Variants in FKBP11 observed in about 807,000 individuals in gnomAD.
FKBP11 encodes FKBP prolyl isomerase 11.
A neutral mutation model predicts 24.7 loss-of-function variants in FKBP11; 21 were observed. That is an observed-to-expected ratio of 0.85 (90% CI 0.60 to 1.23). The LOEUF (loss-of-function observed/expected upper bound fraction) is 1.23. Ranked by LOEUF, FKBP11 falls within the 50% of genes most tolerant of loss-of-function variation. The pLI is 0.00. For missense variants in FKBP11, 245 were observed against 248.7 expected (o/e 0.99, Z 0.10); for synonymous variants, 106 against 100.6 (o/e 1.05, Z -0.32).
chr12:48,922,803 G>A, intron 5 of FKBP11: 1 of 1,004,782 alleles, frequency 1.0e-6, no homozygotes, highest in Non-Finnish European at 1.2e-6. Flanking sequence ...GTTTCTCCTT[G>A]GTCCCCCTAC....
chr12:48,922,529 C>T (rs541180048), intron 5 of FKBP11: 29 of 1,017,026 alleles, frequency 2.9e-5, no homozygotes, highest in African/African-American at 1.0e-4. Context: ...ACTAATTTAT[C>T]GTATTTCCAA....
chr12:48,922,543 A>G, intron 5 of FKBP11: 1 of 1,023,944 alleles, frequency 9.8e-7, no homozygotes, highest in Non-Finnish European at 1.2e-6. Context: ...TTTCCAAATA[A>G]CCACACGGAT....
At chr12:48,927,929 G>C (rs555539516), upstream of FKBP11, among the ~76,000 whole-genome samples, 18 of 151,474 alleles carry the variant, frequency 1.2e-4, no homozygotes, top group South Asian at 6.3e-4. Flanking sequence ...ATTCTTTGTG[G>C]GGGAAAAAAA....
chr12:48,930,538 T>C (rs1347836318), upstream of FKBP11, among the ~76,000 whole-genome samples: 1 of 152,186 alleles, frequency 6.6e-6, no homozygotes, highest in Non-Finnish European at 1.5e-5. Flanking sequence ...ATTACACGAA[T>C]AAACAAGATA....
the FKBP11 span, among the ~76,000 whole-genome samples, chr12:48,934,885 G>A: frequency 2.0e-5 from 3 of 151,982 alleles, no homozygotes; most frequent in East Asian, 5.8e-4. Context: ...GGTGGCGCAT[G>A]CCTGTAATCC....
intron 5 of FKBP11, chr12:48,923,021 G>A (rs1306433205): frequency 8.2e-6 from 6 of 734,526 alleles, no homozygotes; most frequent in East Asian, 7.8e-5. Flanking sequence ...GGTGGCGCAT[G>A]CCTGTAATCC....
At chr12:48,925,530 G>A (rs1939946844), upstream of FKBP11, 12 of 1,386,274 alleles carry the variant, frequency 8.7e-6, no homozygotes, top group Non-Finnish European at 1.2e-5. Flanking sequence ...TGGACGGGAC[G>A]GGGCGGGTCG....
chr12:48,924,022 G>A (rs773257332), intron 4 of FKBP11, 170 bp from the exon 5 acceptor site: 1 of 869,076 alleles, frequency 1.2e-6, no homozygotes, highest in Non-Finnish European at 1.9e-6. Flanking sequence ...CTCCCCATGT[G>A]CCTCAACTCC....
At chr12:48,938,466 A>G in the FKBP11 span, 1 of 451,030 alleles carries the variant, frequency 2.2e-6, no homozygotes. Context: ...CTCTCTATAC[A>G]TGTATATACA....
Position 48,925,358 on chromosome 12 carries a change from C to G in FKBP11, c.71G>C (p.Arg24Pro), listed in dbSNP as rs745636172. The G allele has an allele frequency of 1.9e-6, 3 of 1,606,718 alleles. No homozygotes were observed. Among genetic ancestry groups the G allele is most frequent in the South Asian group, 1.1e-5 (1 of 89,454 alleles). Reference sequence around the variant, plus strand: ...TTCGGTTTCGAGCCCAGCCTCAGCCCGGCACACCGCCGCACTGAGCAGCAG... The same window carrying G: ...TTCGGTTTCGAGCCCAGCCTCAGCCGGGCACACCGCCGCACTGAGCAGCAG... Reference protein sequence around the residue: ...LLLLLSAAVCRAEAGLETESP... With the variant: ...LLLLLSAAVCPAEAGLETESP... The change falls in exon 1 of 6, where the codon CGG (arginine) becomes CCG (proline). Residue 24 changes from arginine to proline, a missense_variant. By Grantham distance (103) the Arg-to-Pro change is moderately radical (BLOSUM62 -2). Transcript: ENST00000550765.
upstream of FKBP11, among the ~76,000 whole-genome samples, chr12:48,930,616 C>T (rs1156301510): frequency 6.6e-6 from 1 of 152,044 alleles, no homozygotes; most frequent in African/African-American, 2.4e-5. Flanking sequence ...AAGGAGCCAA[C>T]GTGGGGAAAA....
intron 5 of FKBP11, chr12:48,923,473 A>G: frequency 6.5e-7 from 1 of 1,549,576 alleles, no homozygotes. Context: ...AAGGGCAGGA[A>G]AGAAGTCCAG....
chr12:48,923,980 CACCAA>C (rs779118996), intron 4 of FKBP11, 128 bp from the exon 5 acceptor site: 15 of 1,014,132 alleles, frequency 1.5e-5, no homozygotes, highest in Non-Finnish European at 2.2e-5. Context: ...TCCACCTGAA[CACCAA>C]ACAGGCTGGC....
At chr12:48,931,497 GA>G in the FKBP11 span, 2 of 1,531,050 alleles carry the variant, frequency 1.3e-6, no homozygotes, top group Middle Eastern at 1.7e-4. Context: ...AAACAACAGA[GA>G]AAGGTGAGAT....
At chr12:48,934,652 G>C in the FKBP11 span, among the ~76,000 whole-genome samples, 1 of 152,148 alleles carries the variant, frequency 6.6e-6, no homozygotes, top group Non-Finnish European at 1.5e-5. Flanking sequence ...CCACCATTCA[G>C]CTAAAGTCCT....
chr12:48,935,220 A>G, the FKBP11 span, among the ~76,000 whole-genome samples: 1 of 152,022 alleles, frequency 6.6e-6, no homozygotes, highest in Non-Finnish European at 1.5e-5. Context: ...AGAGTTATAT[A>G]TGGGTGGAAG....
Position 48,924,652 on chromosome 12 carries a change from G to C in FKBP11, c.196-4C>G, listed in dbSNP as rs745763290. 14 of 1,613,150 alleles carry C rather than the reference G, an allele frequency of 8.7e-6. No homozygotes were observed. Among genetic ancestry groups the C allele is most frequent in the Admixed American group, 6.7e-5 (4 of 59,990 alleles). On this transcript the variant is annotated splice_region_variant and splice_polypyrimidine_tract_variant and intron_variant, in intron 2 of 5. Coordinates refer to ENST00000550765, the MANE Select transcript of FKBP11 (RefSeq NM_016594.3). ...TACGTCCATCTACCAAGCTTCCCTGGGGGGAGAGAGCATCAAGAGCATACA... is the reference window on the plus strand; with the variant it reads ...TACGTCCATCTACCAAGCTTCCCTGCGGGGAGAGAGCATCAAGAGCATACA...
the FKBP11 span, chr12:48,937,879 G>C: frequency 6.4e-6 from 1 of 156,004 alleles, no homozygotes; most frequent in African/African-American, 2.4e-5. Flanking sequence ...TGGGGCACTG[G>C]AAGGCAGGAA....
At chr12:48,930,653 G>A (rs1354548659), upstream of FKBP11, among the ~76,000 whole-genome samples, 1 of 152,180 alleles carries the variant, frequency 6.6e-6, no homozygotes, top group African/African-American at 2.4e-5. Context: ...TAGTTGCAGA[G>A]GGCACAGGCA....
Sources: allele counts gnomAD v4.1 joint callset (sites outside exome capture counted in the v4.1 genomes callset), GRCh38; gene constraint gnomAD v4.1.1; transcripts MANE v1.5; gene names NCBI Gene and HGNC (gene_info 2026-07-23, HGNC 2026-07-21).